HSF2: variants seen among roughly 807,000 people sequenced by gnomAD.
HSF2 encodes heat shock transcription factor 2, also known as heat shock factor protein 2.
A neutral mutation model predicts 65.0 loss-of-function variants in HSF2; 21 were observed. That is an observed-to-expected ratio of 0.32 (90% CI 0.23 to 0.47). The LOEUF is 0.47. Among genes scored for constraint, HSF2 ranks in the 20% least tolerant of loss-of-function variants. The pLI is 1.00. For missense variants in HSF2, 499 were observed against 628.1 expected (o/e 0.79, Z 2.20); for synonymous variants, 225 against 219.1 (o/e 1.03, Z -0.24).
At chr6:122,416,561 C>G (rs1339384838) in intron 5 of HSF2, among the ~76,000 whole-genome samples, 1 of 152,128 alleles carries the variant, frequency 6.6e-6, no homozygotes, top group Non-Finnish European at 1.5e-5. Flanking sequence ...CCTAATATAA[C>G]AATTTTGAAA....
intron 1 of HSF2, among the ~76,000 whole-genome samples, chr6:122,402,958 G>A (rs891637992): frequency 3.3e-5 from 5 of 151,776 alleles, no homozygotes; most frequent in Non-Finnish European, 7.4e-5. Context: ...GAAAATCATT[G>A]AGAACTTTTA....
chr6:122,427,007 A>T (rs528543220), intron 10 of HSF2, among the ~76,000 whole-genome samples: 1 of 151,920 alleles, frequency 6.6e-6, no homozygotes, highest in East Asian at 1.9e-4. Flanking sequence ...CCAAGTTCTA[A>T]CCTAATATTC....
At chr6:122,407,382 C>T (rs1262962970) in intron 1 of HSF2, among the ~76,000 whole-genome samples, 2 of 152,136 alleles carry the variant, frequency 1.3e-5, no homozygotes, top group African/African-American at 2.4e-5. Flanking sequence ...CCGCTATTAG[C>T]CATGTATGAG....
chr6:122,428,967 T>C (rs1180839049), intron 11 of HSF2, among the ~76,000 whole-genome samples: 1 of 152,202 alleles, frequency 6.6e-6, no homozygotes, highest in South Asian at 2.1e-4. Flanking sequence ...GTAAATACTT[T>C]TGGTTTTTCA....
At chr6:122,427,714 A>G (rs1774367852) in intron 10 of HSF2, among the ~76,000 whole-genome samples, 189 bp from the exon 11 acceptor site, 1 of 152,146 alleles carries the variant, frequency 6.6e-6, no homozygotes, top group South Asian at 2.1e-4. Flanking sequence ...TATCTAATGC[A>G]TGGGCTAGCT....
At chr6:122,428,748 A>C (rs484552) in intron 11 of HSF2, among the ~76,000 whole-genome samples, 1 of 151,666 alleles carries the variant, frequency 6.6e-6, no homozygotes. Context: ...ATCTCAAATA[A>C]ATATAAGTGA....
At chr6:122,408,212 T>C (rs1451969706) in intron 1 of HSF2, among the ~76,000 whole-genome samples, 1 of 152,138 alleles carries the variant, frequency 6.6e-6, no homozygotes, top group African/African-American at 2.4e-5. Flanking sequence ...TGTGCCTGTC[T>C]TCTGCTGTCT....
chr6:122,415,532 A>C (rs889210103), intron 4 of HSF2, among the ~76,000 whole-genome samples: 2 of 152,130 alleles, frequency 1.3e-5, no homozygotes, highest in African/African-American at 4.8e-5. Context: ...TTATTTCCTA[A>C]GGTGATTAGG....
At chr6:122,407,905 G>T (rs932071026) in intron 1 of HSF2, among the ~76,000 whole-genome samples, 1 of 152,120 alleles carries the variant, frequency 6.6e-6, no homozygotes, top group African/African-American at 2.4e-5. Flanking sequence ...CAGTTCCTGT[G>T]TTAGAGCTTT....
intron 4 of HSF2, 30 bp from the exon 5 acceptor site, chr6:122,416,191 T>G (rs772033360): frequency 1.4e-6 from 2 of 1,400,800 alleles, no homozygotes; most frequent in African/African-American, 2.9e-5. Context: ...ATTTTTTTTT[T>G]GTTTTGTTGC....
intron 1 of HSF2, among the ~76,000 whole-genome samples, chr6:122,402,879 T>A (rs1773772419): frequency 6.6e-6 from 1 of 152,108 alleles, no homozygotes; most frequent in Non-Finnish European, 1.5e-5. Context: ...AGTTGCTATT[T>A]ATGGTGGTTT....
At chr6:122,415,619 T>C (rs939811689) in intron 4 of HSF2, among the ~76,000 whole-genome samples, 2 of 152,114 alleles carry the variant, frequency 1.3e-5, no homozygotes, top group Non-Finnish European at 2.9e-5. Context: ...TGAGCCAGAT[T>C]GTCAAAAGTA....
At position 122,399,672 on chromosome 6, in the gene HSF2, G is replaced by C. The variant is rs1485862782; in HGVS notation, c.-66G>C. 1.4e-6 allele frequency: 2 copies of C among 1,392,572 alleles called. No individual in the cohort carries two copies. The highest frequency in any genetic ancestry group is 1.4e-5 in the African/African-American group (1 of 69,070). 86.3% of individuals were successfully genotyped at this position (1,392,572 alleles called of 1,614,324 possible). ...TGGGCGTTCTCGGGGAGCTGCTGCC[G>C]TAGCTGCCGCCGCCGCTACCACCGC... On this transcript the variant is annotated 5_prime_UTR_variant, in exon 1 of 13. Transcript: ENST00000368455.
chr6:122,426,222 G>T (rs371617078), intron 10 of HSF2, among the ~76,000 whole-genome samples: 1 of 152,096 alleles, frequency 6.6e-6, no homozygotes, highest in Admixed American at 6.6e-5. Flanking sequence ...AAAATGGTAA[G>T]AATGTGAATA....
rs1773986669 is a variant in HSF2, at chr6:122,411,244, T to C, written c.94-1129T>C. On this transcript the variant is annotated intron_variant, in intron 1 of 12. Coordinates refer to ENST00000368455, the MANE Select transcript of HSF2 (RefSeq NM_004506.4). ...TCTTTTTATTTGCTTATTGGAAGTT[T>C]GTATATCTTCTTTGAAGAAATATCT... is the stretch of plus-strand genomic sequence containing the variant. Among the ~76,000 whole-genome samples, 8 of 152,030 alleles carry C rather than the reference T, an allele frequency of 5.3e-5. No individual in the cohort carries two copies. The South Asian group carries it at 1.4e-3, about 28-fold the overall frequency.
Position 122,422,936 on chromosome 6 carries a change from A to C in HSF2, c.1049A>C (p.Asp350Ala). The C allele has an allele frequency of 3.7e-6, 6 of 1,613,514 alleles. No individual in the cohort carries two copies. Among genetic ancestry groups the C allele is most frequent in the Non-Finnish European group, 5.1e-6 (6 of 1,179,614 alleles). ...ACCATGATGGATTCCATTTTGAATG[A>C]TAACATCAATCTTTTGGGAAAGTGA... Reference protein sequence around the residue: ...PVTMMDSILNDNINLLGKVEL... With the variant: ...PVTMMDSILNANINLLGKVEL... The change falls in exon 9 of 13, where the codon GAT (aspartate) becomes GCT (alanine). Residue 350 changes from aspartate (D) to alanine (A), a missense_variant. Asp to Ala is a moderately radical substitution (Grantham distance 126). Coordinates refer to ENST00000368455, the MANE Select transcript of HSF2 (RefSeq NM_004506.4).
At chr6:122,427,845 C>T (rs1370597141) in intron 10 of HSF2, 58 bp from the exon 11 acceptor site, 4 of 1,320,608 alleles carry the variant, frequency 3.0e-6, no homozygotes, top group Non-Finnish European at 4.3e-6. Context: ...AAATTTTGAA[C>T]ACACAATTAT....
intron 1 of HSF2, among the ~76,000 whole-genome samples, chr6:122,406,348 C>T (rs1422658201): frequency 6.6e-6 from 1 of 152,000 alleles, no homozygotes; most frequent in Non-Finnish European, 1.5e-5. Context: ...AAAGGTAAGG[C>T]CTTGAATGTG....
chr6:122,425,480 C>G (rs187764749), intron 10 of HSF2, among the ~76,000 whole-genome samples: 30 of 152,146 alleles, frequency 2.0e-4, no homozygotes, highest in Admixed American at 7.9e-4. Flanking sequence ...TATTCTCTCT[C>G]GCCTAGTTTC....
Sources: allele counts gnomAD v4.1 joint callset (sites outside exome capture counted in the v4.1 genomes callset), GRCh38; gene constraint gnomAD v4.1.1; transcripts MANE v1.5; gene names NCBI Gene and HGNC (gene_info 2026-07-23, HGNC 2026-07-21).